Variants in AGBL1 observed in about 807,000 individuals in gnomAD.
The protein encoded by AGBL1 is AGBL carboxypeptidase 1, also known as cytosolic carboxypeptidase 4.
AGBL1 carries 130 observed loss-of-function variants against 118.9 expected under a neutral mutation model. The ratio of observed to expected loss-of-function variants is 1.09; its 90% confidence interval spans 0.95 to 1.26. The LOEUF is 1.26. Among genes scored for constraint, AGBL1 ranks in the 50% most tolerant of loss-of-function variants. AGBL1 has a pLI of 0.00. For synonymous variants in AGBL1, 555 were observed against 478.9 expected, an observed-to-expected ratio of 1.16 and a Z score of -2.08; for missense variants, 1,584 against 1,298.1, an observed-to-expected ratio of 1.22 and a Z score of -3.38.
rs147369695 is a variant in AGBL1 at position 86,143,949 on chromosome 15, G to A, written c.262+104G>A. The A allele has an allele frequency of 7.1e-4, 979 of 1,381,530 alleles. 9 individuals are homozygous for A. The South Asian group carries it at 7.8e-3, about 11-fold the overall frequency. 85.6% of individuals were successfully genotyped at this position (1,381,530 alleles called of 1,614,324 possible). On this transcript the variant is annotated intron_variant, in intron 3 of 22. Coordinates refer to ENST00000614907, the MANE Select transcript of AGBL1 (RefSeq NM_001386094.1). ...TGGTGGAGTAGCACAGGGAGAAAGC[G>A]TCAGGGAGGTTCTGGACAACTTGAT...
chr15:86,128,490 G>A (rs1456731598), intron 1 of AGBL1, among the ~76,000 whole-genome samples: 1 of 152,180 alleles, frequency 6.6e-6, no homozygotes, highest in Non-Finnish European at 1.5e-5. Context: ...CAAAGTTTAT[G>A]TCTTGGTTCT....
At chr15:86,973,593 A>C (rs556874902) in intron 23 of AGBL1, among the ~76,000 whole-genome samples, 7 of 151,996 alleles carry the variant, frequency 4.6e-5, no homozygotes, top group African/African-American at 1.7e-4. Flanking sequence ...CTAAAAGGGC[A>C]TAATGCTATG....
At chr15:86,940,682 A>C (rs889115283) in intron 23 of AGBL1, among the ~76,000 whole-genome samples, 3 of 152,224 alleles carry the variant, frequency 2.0e-5, no homozygotes, top group African/African-American at 7.2e-5. Context: ...CCAACTTGAG[A>C]AATCTGGAGG....
intron 22 of AGBL1, among the ~76,000 whole-genome samples, chr15:86,795,705 C>G (rs1284718314): frequency 6.6e-6 from 1 of 151,476 alleles, no homozygotes; most frequent in Non-Finnish European, 1.5e-5. Flanking sequence ...CTGCCCCAGC[C>G]TCCCGAGTAG....
At chr15:86,265,963 A>G (rs2079064339) in intron 11 of AGBL1, among the ~76,000 whole-genome samples, 1 of 152,216 alleles carries the variant, frequency 6.6e-6, no homozygotes, top group Admixed American at 6.5e-5. Flanking sequence ...ACACAGGCTT[A>G]TTGGATCCTC....
At chr15:86,785,766 C>T (rs2078403803) in intron 22 of AGBL1, among the ~76,000 whole-genome samples, 1 of 152,234 alleles carries the variant, frequency 6.6e-6, no homozygotes, top group Non-Finnish European at 1.5e-5. Flanking sequence ...AGGAGAAAAT[C>T]ACAAGAAATA....
intron 18 of AGBL1, among the ~76,000 whole-genome samples, chr15:86,455,329 G>C (rs1461187352): frequency 6.6e-6 from 1 of 152,112 alleles, no homozygotes; most frequent in African/African-American, 2.4e-5. Flanking sequence ...AAATAAGCCA[G>C]GGTCAGAGAA....
At chr15:86,682,493 T>C (rs2085978499) in intron 22 of AGBL1, among the ~76,000 whole-genome samples, 1 of 152,188 alleles carries the variant, frequency 6.6e-6, no homozygotes, top group East Asian at 1.9e-4. Flanking sequence ...ATGAAGCTAT[T>C]GGTAAATTGA....
rs1223205656 is a variant in AGBL1 at position 86,912,126 on chromosome 15, T to A, written c.*4832T>A. ...TCCGTTTTCCATCTCAAAGAAGAGTTTGTGTTATAGACAGGGAAACACAAA... is the reference window on the plus strand; with the variant it reads ...TCCGTTTTCCATCTCAAAGAAGAGTATGTGTTATAGACAGGGAAACACAAA... On this transcript the variant is annotated 3_prime_UTR_variant, in exon 23 of 23. Coordinates refer to ENST00000614907, the MANE Select transcript of AGBL1 (RefSeq NM_001386094.1). 3 of 152,156 alleles carry A rather than the reference T, an allele frequency of 2.0e-5. No homozygotes were observed. Among genetic ancestry groups the A allele is most frequent in the Non-Finnish European group, 4.4e-5 (3 of 68,034 alleles). 9.4% of individuals were successfully genotyped at this position (152,156 alleles called of 1,614,324 possible).
At position 86,266,367 on chromosome 15, in the gene AGBL1, T is replaced by A. The variant is rs1729838236; in HGVS notation, c.1668-7T>A. On this transcript the variant is annotated splice_region_variant and splice_polypyrimidine_tract_variant and intron_variant, in intron 11 of 22. Transcript: ENST00000614907. The stretch of plus-strand genomic sequence containing the variant: ...ACCCTTAAAATGTTTTCAATTTTCT[T>A]TTTCAGGATCAGGATATTTGAGGAT... The A allele has an allele frequency of 6.4e-7, 1 of 1,565,498 alleles. No homozygotes were observed. The highest frequency in any genetic ancestry group is 1.3e-5 in the African/African-American group (1 of 74,142).
At chr15:86,950,527 A>G (rs28653015) in intron 23 of AGBL1, among the ~76,000 whole-genome samples, 1 of 150,688 alleles carries the variant, frequency 6.6e-6, no homozygotes, top group Non-Finnish European at 1.5e-5. Context: ...AAATATATAT[A>G]TGTATATATA....
At chr15:86,327,485 A>G (rs966863369) in intron 17 of AGBL1, among the ~76,000 whole-genome samples, 9 of 152,358 alleles carry the variant, frequency 5.9e-5, no homozygotes, top group Middle Eastern at 3.4e-3. Flanking sequence ...CTGAATGTAA[A>G]TGTTTCCAGA....
At chr15:86,186,182 A>G (rs1169820747) in intron 5 of AGBL1, among the ~76,000 whole-genome samples, 1 of 146,578 alleles carries the variant, frequency 6.8e-6, no homozygotes, top group East Asian at 2.2e-4. Context: ...ATGAGAACAC[A>G]TGGACACATT....
chr15:86,701,163 A>C (rs1008361300), intron 22 of AGBL1, among the ~76,000 whole-genome samples: 7 of 152,162 alleles, frequency 4.6e-5, no homozygotes, highest in African/African-American at 7.2e-5. Flanking sequence ...GTAAATGATG[A>C]CATTCTGCTG....
At position 86,554,475 on chromosome 15, in the gene AGBL1, G is replaced by T; in HGVS notation, c.2932G>T (p.Gly978Trp). The T allele has an allele frequency of 6.3e-7, 1 of 1,586,468 alleles. No individual in the cohort carries two copies. The highest frequency in any genetic ancestry group is 1.2e-5 in the South Asian group (1 of 86,358). ...TARVVVWREM[G>W]VSRSYTMESS... ...CCGGGTGGTGGTGTGGAGAGAGATG[G>T]GGGTGTCCAGAAGCTACACCATGGA... Residue 978 changes from glycine to tryptophan, a missense_variant, in exon 21 of 23, where the codon GGG becomes TGG. Physicochemically the swap from Gly to Trp is radical, Grantham distance 184. Transcript: ENST00000614907.
chr15:86,243,382 C>T (rs762205502), intron 6 of AGBL1, among the ~76,000 whole-genome samples: 6 of 152,166 alleles, frequency 3.9e-5, no homozygotes, highest in Admixed American at 6.5e-5. Flanking sequence ...ATAAGGATAT[C>T]ACTAGGTCCC....
intron 18 of AGBL1, among the ~76,000 whole-genome samples, chr15:86,435,087 C>T (rs2081985300): frequency 6.6e-6 from 1 of 152,140 alleles, no homozygotes; most frequent in Non-Finnish European, 1.5e-5. Flanking sequence ...GAATGGACAA[C>T]TCAGATGGTT....
chr15:86,952,749 C>A (rs1463923482), intron 23 of AGBL1, among the ~76,000 whole-genome samples: 2 of 152,080 alleles, frequency 1.3e-5, no homozygotes, highest in African/African-American at 4.8e-5. Flanking sequence ...GCCAAAAATT[C>A]TTTGCCAAGA....
chr15:86,292,133 G>A (rs1452296715), intron 16 of AGBL1, among the ~76,000 whole-genome samples: 1 of 152,152 alleles, frequency 6.6e-6, no homozygotes, highest in East Asian at 1.9e-4. Context: ...TACTTTACAT[G>A]GTAAGGGGAC....
Sources: gnomAD v4.1 joint callset for allele counts (sites outside exome capture counted in the v4.1 genomes callset) on GRCh38, gnomAD v4.1.1 for gene constraint, MANE v1.5 for transcripts, NCBI Gene and HGNC (gene_info 2026-07-23, HGNC 2026-07-21) for gene names.